Variants in PARD3B observed in about 807,000 individuals in gnomAD.
PARD3B encodes the protein partitioning defective 3 homolog B.
A neutral mutation model predicts 130.2 loss-of-function variants in PARD3B; 103 were observed. The ratio of observed to expected loss-of-function variants is 0.79; its 90% confidence interval spans 0.67 to 0.93. The LOEUF (loss-of-function observed/expected upper bound fraction) is 0.93, where lower values mean the gene tolerates loss of function less well. Ranked by LOEUF, PARD3B falls within the 40% of genes least tolerant of loss-of-function variation. The probability of loss-of-function intolerance (pLI) is 0.00; values close to 1 mark genes in which losing one functional copy is unlikely to be tolerated. For synonymous variants in PARD3B, 583 were observed against 553.2 expected (o/e 1.05, Z -0.76); for missense variants, 1,609 against 1,499.2 (o/e 1.07, Z -1.21).
chr2:205,149,581 T>C (rs550455537), intron 10 of PARD3B, among the ~76,000 whole-genome samples: 1 of 152,324 alleles, frequency 6.6e-6, no homozygotes, highest in South Asian at 2.1e-4. Flanking sequence ...CATGAACCTG[T>C]GGATCTAACA....
intron 11 of PARD3B, among the ~76,000 whole-genome samples, chr2:205,166,776 C>T (rs541191880): frequency 6.6e-6 from 1 of 152,246 alleles, no homozygotes; most frequent in East Asian, 1.9e-4. Context: ...TGCCATCTTG[C>T]CTGGGGTCCA....
In PARD3B at chr2:205,185,744, C is replaced by T; in HGVS notation, c.1925-20C>T. ...GTTCTGCTTCCACTTTATACAGCTT[C>T]ATTTGTTCTTTGTTTATAGGTCTAT... is the stretch of plus-strand genomic sequence containing the variant. On this transcript the variant is annotated intron_variant, in intron 13 of 22. Transcript: ENST00000406610. 1 of 1,605,366 alleles carries T rather than the reference C, an allele frequency of 6.2e-7. No individual in the cohort carries two copies. Among genetic ancestry groups the T allele is most frequent in the Non-Finnish European group, 8.5e-7 (1 of 1,172,078 alleles).
intron 22 of PARD3B, among the ~76,000 whole-genome samples, chr2:205,574,243 G>A (rs948053514): frequency 7.2e-5 from 11 of 152,154 alleles, no homozygotes; most frequent in Admixed American, 1.3e-4. Flanking sequence ...TAAAAGAGTC[G>A]AAAGTTTGTA....
At chr2:204,746,699 T>C (rs926465675) in intron 2 of PARD3B, among the ~76,000 whole-genome samples, 5 of 152,160 alleles carry the variant, frequency 3.3e-5, no homozygotes, top group African/African-American at 1.2e-4. Context: ...GGTATCTCAT[T>C]GTGGTTTTGA....
chr2:205,165,289 C>T (rs2034743103), intron 11 of PARD3B, among the ~76,000 whole-genome samples: 2 of 152,068 alleles, frequency 1.3e-5, no homozygotes, highest in African/African-American at 2.4e-5. Context: ...TTGTATGGTA[C>T]ACCAGAGAAT....
At chr2:204,680,622 T>A (rs939337947) in intron 1 of PARD3B, among the ~76,000 whole-genome samples, 6 of 152,118 alleles carry the variant, frequency 3.9e-5, no homozygotes, top group South Asian at 2.1e-4. Context: ...CAATTTTTTT[T>A]ACTTGTTAAT....
chr2:205,479,594 T>C (rs1211479744), intron 20 of PARD3B, among the ~76,000 whole-genome samples: 1 of 152,218 alleles, frequency 6.6e-6, no homozygotes, highest in Non-Finnish European at 1.5e-5. Context: ...CCTGAATTCA[T>C]CTATTTTTCT....
At position 204,893,460 on chromosome 2, in the gene PARD3B, A is replaced by T. The variant is rs550662949; in HGVS notation, c.223-71692A>T. Reference sequence around the variant, plus strand: ...AACTAAATAAATGGTTTTTTTTTGCATGATAGATTAATAAATAAGCAAATG... The same window carrying T: ...AACTAAATAAATGGTTTTTTTTTGCTTGATAGATTAATAAATAAGCAAATG... On this transcript the variant is annotated intron_variant, in intron 2 of 22. Transcript: ENST00000406610. 1.9e-4 allele frequency among the ~76,000 whole-genome samples: 29 copies of T among 151,974 alleles called. 1 individual carries two copies. The East Asian group carries it at 4.6e-3, about 24-fold the overall frequency.
At chr2:205,152,541 C>G (rs1047684041) in intron 10 of PARD3B, among the ~76,000 whole-genome samples, 1 of 152,144 alleles carries the variant, frequency 6.6e-6, no homozygotes, top group Non-Finnish European at 1.5e-5. Context: ...TCCACTTGAT[C>G]GAATCGGCTA....
At chr2:204,727,369 A>G (rs969898498) in intron 2 of PARD3B, among the ~76,000 whole-genome samples, 1 of 152,238 alleles carries the variant, frequency 6.6e-6, no homozygotes, top group Non-Finnish European at 1.5e-5. Context: ...TCCTGCAGTC[A>G]GCTATATAGG....
At chr2:204,698,346 T>C (rs557863562) in intron 2 of PARD3B, among the ~76,000 whole-genome samples, 72 of 152,246 alleles carry the variant, frequency 4.7e-4, no homozygotes, top group African/African-American at 1.7e-3. Flanking sequence ...TGCCAAATTA[T>C]TTAGCTCCTT....
intron 18 of PARD3B, among the ~76,000 whole-genome samples, chr2:205,388,701 A>G (rs1199713642): frequency 6.6e-6 from 1 of 151,914 alleles, no homozygotes; most frequent in African/African-American, 2.4e-5. Context: ...TGGGAAATCT[A>G]TTTCTATGAA....
intron 18 of PARD3B, among the ~76,000 whole-genome samples, chr2:205,308,604 C>CAAAAAAAAA (rs5837965): frequency 2.6e-5 from 3 of 113,232 alleles, no homozygotes; most frequent in Admixed American, 1.1e-4. Context: ...GACTCCGTCT[C>CAAAAAAAAA]AAAAAAAAAA....
rs2125219886 is a variant in PARD3B, at chr2:204,675,928, A to G, written c.121-10253A>G. On this transcript the variant is annotated intron_variant, in intron 1 of 22. Coordinates refer to ENST00000406610, the MANE Select transcript of PARD3B (RefSeq NM_001302769.2). This position sits in a 1 kb window ranked among gnomAD's most constrained non-coding sequence, Gnocchi z 4.4. ...TTAGAATTATACATCAGAAGAAAAC[A>G]ACTATTAATACCTTTTCTATGGCTT... 6.6e-6 allele frequency among the ~76,000 whole-genome samples: 1 copy of G among 152,214 alleles called. No homozygotes were observed. Among genetic ancestry groups the G allele is most frequent in the African/African-American group, 2.4e-5 (1 of 41,538 alleles).
chr2:205,291,365 C>T lies in PARD3B; in HGVS notation c.2186-9165C>T, dbSNP rs879518903. ...GATACCCACATAATCTTGAATAGAA[C>T]GTTGGTAGAAATATGGATGGTAAAG... is the stretch of plus-strand genomic sequence containing the variant. On this transcript the variant is annotated intron_variant, in intron 16 of 22. Coordinates refer to ENST00000406610, the MANE Select transcript of PARD3B (RefSeq NM_001302769.2). This position sits in a 1 kb window ranked among gnomAD's most constrained non-coding sequence, Gnocchi z 4.6. Among the ~76,000 whole-genome samples, 4 of 152,078 alleles carry T rather than the reference C, an allele frequency of 2.6e-5. No individual in the cohort carries two copies. Among genetic ancestry groups the T allele is most frequent in the Admixed American group, 6.5e-5 (1 of 15,276 alleles).
intron 2 of PARD3B, among the ~76,000 whole-genome samples, chr2:204,790,912 C>T (rs1352691056): frequency 6.6e-6 from 1 of 151,852 alleles, no homozygotes; most frequent in Non-Finnish European, 1.5e-5. Context: ...CGAGACCAGC[C>T]GGGCCAACAT....
At chr2:204,552,176 C>G (rs1217867062) in intron 1 of PARD3B, among the ~76,000 whole-genome samples, 2 of 152,186 alleles carry the variant, frequency 1.3e-5, no homozygotes, top group African/African-American at 2.4e-5. Flanking sequence ...CAGTCCTTAA[C>G]TTGACATTGC....
chr2:204,608,231 A>T (rs1421233787), intron 1 of PARD3B, among the ~76,000 whole-genome samples: 1 of 152,202 alleles, frequency 6.6e-6, no homozygotes, highest in Non-Finnish European at 1.5e-5. Flanking sequence ...TTAACACAAC[A>T]CTAAATATTG....
chr2:204,652,604 G>A (rs892647103), intron 1 of PARD3B, among the ~76,000 whole-genome samples: 1 of 152,142 alleles, frequency 6.6e-6, no homozygotes, highest in African/African-American at 2.4e-5. Flanking sequence ...TCCAACCTCT[G>A]CCTGTTACCA....
Sources: allele counts gnomAD v4.1 joint callset (sites outside exome capture counted in the v4.1 genomes callset), GRCh38; gene constraint gnomAD v4.1.1; non-coding constraint Gnocchi (gnomAD v3.1); transcripts MANE v1.5; gene names NCBI Gene and HGNC (gene_info 2026-07-23, HGNC 2026-07-21).